Variants in ERBB4 observed in about 807,000 individuals in gnomAD.
The protein encoded by ERBB4 is erb-b2 receptor tyrosine kinase 4.
A neutral mutation model predicts 158.0 loss-of-function variants in ERBB4; 42 were observed. That is an observed-to-expected ratio of 0.27 (90% confidence interval 0.21 to 0.34). The LOEUF is 0.34. ERBB4 is among the 10% of genes least tolerant of loss of function. The pLI is 1.00. For synonymous variants in ERBB4, 583 were observed against 558.7 expected, an observed-to-expected ratio of 1.04 and a Z score of -0.61; for missense variants, 1,333 against 1,624.1, an observed-to-expected ratio of 0.82 and a Z score of 3.08.
At chr2:211,422,242 G>T in intron 23 of ERBB4, 138 bp from the exon 24 acceptor site, 60 of 581,350 alleles carry the variant, frequency 1.0e-4, no homozygotes, top group East Asian at 1.3e-4. Context: ...GCAAGCTAGT[G>T]AAAGAAACGA....
chr2:212,527,208 C>T (rs1451177875), intron 1 of ERBB4, among the ~76,000 whole-genome samples: 1 of 151,930 alleles, frequency 6.6e-6, no homozygotes, highest in Non-Finnish European at 1.5e-5. Flanking sequence ...TAGATATATA[C>T]CTGGATTAGG....
At chr2:211,766,716 C>A (rs80002126) in intron 4 of ERBB4, among the ~76,000 whole-genome samples, 2,889 of 152,172 alleles carry the variant, frequency 0.019, 139 homozygotes, top group East Asian at 0.15. Flanking sequence ...AGGCAGGGAA[C>A]CTAACGCCGA....
chr2:212,498,278 C>T (rs955560068), intron 1 of ERBB4, among the ~76,000 whole-genome samples: 1 of 152,216 alleles, frequency 6.6e-6, no homozygotes, highest in South Asian at 2.1e-4. Flanking sequence ...GAGGCTACAG[C>T]TTTACTAAAC....
intron 20 of ERBB4, among the ~76,000 whole-genome samples, chr2:211,558,777 TAAAG>T (rs985439852): frequency 2.0e-5 from 3 of 151,356 alleles, no homozygotes; most frequent in African/African-American, 7.3e-5. Context: ...AAAAAAAAAA[TAAAG>T]GAAGGACTCC....
At chr2:211,928,791 G>T (rs750520472) in intron 3 of ERBB4, among the ~76,000 whole-genome samples, 6 of 151,746 alleles carry the variant, frequency 4.0e-5, no homozygotes, top group Non-Finnish European at 7.4e-5. Flanking sequence ...GTTCTTGTCA[G>T]GTTTAAAATT....
At chr2:212,354,558 T>A (rs1051999271) in intron 1 of ERBB4, among the ~76,000 whole-genome samples, 1 of 152,154 alleles carries the variant, frequency 6.6e-6, no homozygotes, top group East Asian at 1.9e-4. Flanking sequence ...AACTTGGATC[T>A]TCCTGGGTAT....
rs373118892 is a variant in ERBB4 at position 211,937,717 on chromosome 2, C to T, written c.421+9713G>A. Among the ~76,000 whole-genome samples the T allele has an allele frequency of 1.3e-4, 20 of 152,184 alleles. 1 individual carries two copies. Among genetic ancestry groups the T allele is most frequent in the African/African-American group, 4.6e-4 (19 of 41,504 alleles). ...AACCATCAGCTCTTGTGAGAACTAA[C>T]TCACTATCATGAGAACAGGAAGGGG... On this transcript the variant is annotated intron_variant, in intron 3 of 27. Coordinates refer to ENST00000342788, the MANE Select transcript of ERBB4 (RefSeq NM_005235.3).
intron 19 of ERBB4, among the ~76,000 whole-genome samples, chr2:211,586,085 A>G (rs2068267129): frequency 6.6e-6 from 1 of 152,146 alleles, no homozygotes; most frequent in Admixed American, 6.5e-5. Context: ...GTTTTATCAG[A>G]TAAATAATCA....
chr2:211,392,597 CACA>C (rs1559122617), intron 25 of ERBB4, among the ~76,000 whole-genome samples: 40 of 142,782 alleles, frequency 2.8e-4, no homozygotes, highest in African/African-American at 9.2e-4. Flanking sequence ...CACACACACA[CACA>C]CCCCAATAAT....
chr2:212,194,376 T>G (rs2082362198), intron 1 of ERBB4, among the ~76,000 whole-genome samples: 1 of 151,900 alleles, frequency 6.6e-6, no homozygotes, highest in Non-Finnish European at 1.5e-5. Flanking sequence ...AGTTTGGGAA[T>G]GTTGTTTCAT....
chr2:211,903,004 AAATT>A (rs2079278701), intron 3 of ERBB4, among the ~76,000 whole-genome samples: 1 of 152,036 alleles, frequency 6.6e-6, no homozygotes, highest in Admixed American at 6.6e-5. Context: ...AATATATCAC[AAATT>A]AATTATGTCA....
At chr2:211,608,056 A>C (rs991950533) in intron 19 of ERBB4, among the ~76,000 whole-genome samples, 1 of 151,566 alleles carries the variant, frequency 6.6e-6, no homozygotes, top group African/African-American at 2.4e-5. Context: ...AAATAAATTC[A>C]GAGGATTTGT....
At chr2:211,772,892 C>A (rs1277918441) in intron 4 of ERBB4, among the ~76,000 whole-genome samples, 1 of 91,686 alleles carries the variant, frequency 1.1e-5, no homozygotes, top group African/African-American at 4.7e-5. Context: ...TATACACACA[C>A]ACACACATAT....
intron 3 of ERBB4, among the ~76,000 whole-genome samples, chr2:211,812,776 G>A (rs1166633045): frequency 6.6e-6 from 1 of 152,238 alleles, no homozygotes; most frequent in Non-Finnish European, 1.5e-5. Context: ...ACAGGCTGCT[G>A]CAGTCTCACA....
intron 25 of ERBB4, among the ~76,000 whole-genome samples, chr2:211,419,622 C>T (rs1467738627): frequency 6.6e-6 from 1 of 152,038 alleles, no homozygotes; most frequent in South Asian, 2.1e-4. Context: ...TGGATTACAG[C>T]ACTTACTATG....
chr2:212,344,988 G>A (rs752947834), intron 1 of ERBB4, among the ~76,000 whole-genome samples: 1 of 152,038 alleles, frequency 6.6e-6, no homozygotes, highest in Non-Finnish European at 1.5e-5. Flanking sequence ...CAGGTCGGGC[G>A]TGGTGGGTCA....
intron 27 of ERBB4, among the ~76,000 whole-genome samples, chr2:211,384,480 C>T (rs1238948640): frequency 6.6e-6 from 1 of 152,056 alleles, no homozygotes; most frequent in African/African-American, 2.4e-5. Context: ...AAACAAGAAT[C>T]TATAGCTGAG....
At chr2:212,153,293 T>C (rs970822588) in intron 1 of ERBB4, among the ~76,000 whole-genome samples, 1 of 152,176 alleles carries the variant, frequency 6.6e-6, no homozygotes, top group African/African-American at 2.4e-5. Flanking sequence ...CCAAAAGTCC[T>C]TCTGCCCAAA....
intron 1 of ERBB4, among the ~76,000 whole-genome samples, chr2:212,389,456 A>G (rs1053748949): frequency 2.6e-5 from 4 of 151,982 alleles, no homozygotes; most frequent in Non-Finnish European, 5.9e-5. Context: ...TATTTTCCTT[A>G]TTTTCTTGTT....
Sources: allele counts gnomAD v4.1 joint callset (sites outside exome capture counted in the v4.1 genomes callset), GRCh38; gene constraint gnomAD v4.1.1; transcripts MANE v1.5; gene names NCBI Gene and HGNC (gene_info 2026-07-23, HGNC 2026-07-21).